GEMIN5: variants seen among roughly 807,000 people sequenced by gnomAD.
GEMIN5 encodes gem-associated protein 5.
A neutral mutation model predicts 176.9 loss-of-function variants in GEMIN5; 124 were observed. That is an observed-to-expected ratio of 0.70 (90% CI 0.61 to 0.81). The LOEUF (loss-of-function observed/expected upper bound fraction) is 0.81, where lower values mean the gene tolerates loss of function less well. Among genes scored for constraint, GEMIN5 ranks in the 40% least tolerant of loss-of-function variants. The pLI is 0.00. For synonymous variants in GEMIN5, 673 were observed against 665.2 expected (o/e 1.01, Z -0.18); for missense variants, 1,843 against 1,814.6 (o/e 1.02, Z -0.28).
intron 3 of GEMIN5, 58 bp from the exon 4 acceptor site, chr5:154,932,308 G>GTA (rs1200792460): frequency 2.3e-6 from 3 of 1,332,400 alleles, no homozygotes; most frequent in East Asian, 4.8e-5. Flanking sequence ...AGAGTCTCTA[G>GTA]TAAACATTTT....
At chr5:154,889,641 T>C (rs1293928914) in intron 26 of GEMIN5, among the ~76,000 whole-genome samples, 2 of 152,244 alleles carry the variant, frequency 1.3e-5, no homozygotes, top group African/African-American at 4.8e-5. Flanking sequence ...TGAAATCTTA[T>C]ACCCATTAAA....
In GEMIN5 at chr5:154,921,645, T is replaced by G. The variant is rs113283625; in HGVS notation, c.1380-220A>C. ...TATATTTAAATATCAAATAATGACATTTACTACCAAAACGATTAAGTCCCA... is the reference window on the plus strand; with the variant it reads ...TATATTTAAATATCAAATAATGACAGTTACTACCAAAACGATTAAGTCCCA... On this transcript the variant is annotated intron_variant, in intron 9 of 27. Coordinates refer to ENST00000285873, the MANE Select transcript of GEMIN5 (RefSeq NM_015465.5). Among the ~76,000 whole-genome samples, 132 of 152,268 alleles carry G rather than the reference T, an allele frequency of 8.7e-4. 2 individuals are homozygous for G. The highest frequency in any genetic ancestry group is 3.1e-3 in the African/African-American group (128 of 41,562).
intron 13 of GEMIN5, among the ~76,000 whole-genome samples, chr5:154,914,954 C>G (rs1177567924): frequency 1.3e-5 from 2 of 152,122 alleles, no homozygotes; most frequent in South Asian, 2.1e-4. Context: ...TTGTACAATT[C>G]TTATAACTTT....
At chr5:154,922,617 T>A (rs943193280) in intron 9 of GEMIN5, among the ~76,000 whole-genome samples, 9 of 152,086 alleles carry the variant, frequency 5.9e-5, no homozygotes, top group Admixed American at 5.9e-4. Context: ...TTTAATAGAA[T>A]TAGCAATTTC....
At chr5:154,935,559 C>T (rs1012792502) in intron 3 of GEMIN5, among the ~76,000 whole-genome samples, 4 of 151,816 alleles carry the variant, frequency 2.6e-5, no homozygotes, top group South Asian at 4.1e-4. Flanking sequence ...GTAGAGAAAG[C>T]GAAAAAGGTG....
rs768061353 is a variant in GEMIN5, at chr5:154,912,974, G to A, written c.1920C>T (p.Ala640=). 129 of 1,613,492 alleles carry A rather than the reference G, an allele frequency of 8.0e-5. No individual in the cohort carries two copies. Among genetic ancestry groups the A allele is most frequent in the Non-Finnish European group, 1.0e-4 (119 of 1,179,546 alleles). ...EPYRTLSGHT[A]KITSVAWSPH... is the part of the protein sequence containing the mutation. The stretch of plus-strand genomic sequence containing the variant: ...GGCTCCACGCCACACTGGTAATCTT[G>A]GCCGTATGCCCTGAGAGGGTCCGGT... The change falls in exon 14 of 28, where the codon GCC becomes GCT. Residue 640 remains alanine (A), a synonymous_variant. Transcript: ENST00000285873.
At chr5:154,931,749 T>G in intron 4 of GEMIN5, 172 bp from the exon 5 acceptor site, 1 of 572,134 alleles carries the variant, frequency 1.7e-6, no homozygotes, top group South Asian at 2.3e-5. Flanking sequence ...GTGCAGTGGC[T>G]CACGCCTGTA....
rs377622598 is a variant in GEMIN5 at position 154,931,571 on chromosome 5, G to A, written c.668C>T (p.Ala223Val). The part of the protein sequence containing the change: ...SINQEETSEE[A>V]EITNGNAVAQ... ...TACAGCATTCCCGTTGGTAATTTCA[G>A]CTTCTTCTATGAGATAGGTGGCAAT... Residue 223 changes from alanine to valine, a missense_variant, in exon 5 of 28, where the codon GCT (alanine) becomes GTT (valine). Coordinates refer to ENST00000285873, the MANE Select transcript of GEMIN5 (RefSeq NM_015465.5). 2 of 1,598,418 alleles carry A rather than the reference G, an allele frequency of 1.3e-6. No individual in the cohort carries two copies. The highest frequency in any genetic ancestry group is 1.7e-6 in the Non-Finnish European group (2 of 1,168,974).
rs759525234 is a variant in GEMIN5 at position 154,935,881 on chromosome 5, GAC to G, written c.467_468del (p.Cys156SerfsTer8). On this transcript the variant is annotated frameshift_variant, in exon 3 of 28. Coordinates refer to ENST00000285873, the MANE Select transcript of GEMIN5 (RefSeq NM_015465.5). LOFTEE classifies it high-confidence loss of function. ...TCTTCATGATGAGGTGAACAAGTAAGACAGAAAATTGTCCTGGGTTCTATAAA... is the reference window on the plus strand; with the variant it reads ...TCTTCATGATGAGGTGAACAAGTAAGAGAAAATTGTCCTGGGTTCTATAAA... ...HLFIEPRTIF[C>X]LTCSPHHEDL... The G allele has an allele frequency of 6.2e-7, 1 of 1,613,710 alleles. No individual in the cohort carries two copies. Among genetic ancestry groups the G allele is most frequent in the Non-Finnish European group, 8.5e-7 (1 of 1,179,660 alleles).
intron 3 of GEMIN5, among the ~76,000 whole-genome samples, chr5:154,935,069 T>C (rs1239226354): frequency 6.6e-6 from 1 of 152,214 alleles, no homozygotes; most frequent in Admixed American, 6.5e-5. Flanking sequence ...GCATTTATCA[T>C]AGTTTACTCC....
intron 11 of GEMIN5, 78 bp downstream of exon 11, chr5:154,919,889 G>T: frequency 8.1e-7 from 1 of 1,239,488 alleles, no homozygotes; most frequent in Non-Finnish European, 1.2e-6. Flanking sequence ...TCCAATAACA[G>T]CATTTATTTT....
At chr5:154,899,363 G>A (rs1487787255) in intron 21 of GEMIN5, 53 bp from the exon 22 acceptor site, 5 of 1,431,378 alleles carry the variant, frequency 3.5e-6, no homozygotes, top group Non-Finnish European at 4.7e-6. Context: ...CTCTGTGTAT[G>A]GTCCTAGGAG....
intron 25 of GEMIN5, 106 bp downstream of exon 25, chr5:154,892,281 G>T: frequency 1.1e-6 from 1 of 880,964 alleles, no homozygotes. Context: ...GACACAGCTG[G>T]CCAATCTCCA....
rs1469240453 is a variant in GEMIN5, at chr5:154,905,485, TG to T, written c.2396-10del. ...AACTGGTTCTCTAGAAACTACATCA[TG>T]GGGGAAAAAGGAAAAAAAAAGTTAA... is the stretch of plus-strand genomic sequence containing the variant. On this transcript the variant is annotated splice_polypyrimidine_tract_variant and intron_variant, in intron 16 of 27. Transcript: ENST00000285873. The T allele has an allele frequency of 2.2e-6, 3 of 1,391,134 alleles. No individual in the cohort carries two copies. Among genetic ancestry groups the T allele is most frequent in the African/African-American group, 1.5e-5 (1 of 68,832 alleles). 86.2% of individuals were successfully genotyped at this position (1,391,134 alleles called of 1,614,324 possible).
At position 154,935,883 on chromosome 5, in the gene GEMIN5, C is replaced by A; in HGVS notation, c.467G>T (p.Cys156Phe). 1 of 1,613,814 alleles carries A rather than the reference C, an allele frequency of 6.2e-7. No individual in the cohort carries two copies. The highest frequency in any genetic ancestry group is 8.5e-7 in the Non-Finnish European group (1 of 1,179,744). Residue 156 changes from cysteine to phenylalanine, a missense_variant, in exon 3 of 28, where the codon TGT becomes TTT. Physicochemically the swap from Cys to Phe is radical, Grantham distance 205. Coordinates refer to ENST00000285873, the MANE Select transcript of GEMIN5 (RefSeq NM_015465.5). ...HLFIEPRTIFCLTCSPHHEDL... is the reference protein window; with the variant it reads ...HLFIEPRTIFFLTCSPHHEDL... ...TTCATGATGAGGTGAACAAGTAAGACAGAAAATTGTCCTGGGTTCTATAAA... is the reference window on the plus strand; with the variant it reads ...TTCATGATGAGGTGAACAAGTAAGAAAGAAAATTGTCCTGGGTTCTATAAA...
At chr5:154,896,796 T>TA (rs1763361430) in intron 23 of GEMIN5, among the ~76,000 whole-genome samples, 1 of 152,168 alleles carries the variant, frequency 6.6e-6, no homozygotes. Context: ...GGACAGGCAT[T>TA]AGGAGCCATG....
At chr5:154,889,622 T>C (rs1445731904) in intron 26 of GEMIN5, among the ~76,000 whole-genome samples, 2 of 152,232 alleles carry the variant, frequency 1.3e-5, no homozygotes, top group Non-Finnish European at 2.9e-5. Flanking sequence ...TCTTGTCATT[T>C]TGTAAAACTG....
At chr5:154,903,326 A>G (rs896271500) in intron 18 of GEMIN5, 151 bp from the exon 19 acceptor site, 2 of 599,528 alleles carry the variant, frequency 3.3e-6, no homozygotes, top group Non-Finnish European at 5.9e-6. Context: ...TTACAAAGGG[A>G]GCAAAACACA....
chr5:154,908,438 C>A (rs1763619903), intron 15 of GEMIN5, among the ~76,000 whole-genome samples: 1 of 152,126 alleles, frequency 6.6e-6, no homozygotes, highest in African/African-American at 2.4e-5. Flanking sequence ...GCCTCGGCCT[C>A]CCAAAGTGCT....
Sources: gnomAD v4.1 joint callset for allele counts (sites outside exome capture counted in the v4.1 genomes callset) on GRCh38, gnomAD v4.1.1 for gene constraint, MANE v1.5 for transcripts, NCBI Gene and HGNC (gene_info 2026-07-23, HGNC 2026-07-21) for gene names.